The following LRP1B variants were observed in gnomAD, a reference collection of about 807,000 sequenced individuals.
LRP1B encodes LDL receptor related protein 1B.
LRP1B carries 217 observed loss-of-function variants against 556.6 expected under a neutral mutation model. The observed-to-expected ratio is 0.39, with a 90% CI of 0.35 to 0.44. The LOEUF (loss-of-function observed/expected upper bound fraction) is 0.44, where lower values mean the gene tolerates loss of function less well. Ranked by LOEUF, LRP1B falls within the 20% of genes least tolerant of loss-of-function variation. The pLI, the probability that LRP1B is intolerant of heterozygous loss-of-function variation, is 1.00. For missense variants in LRP1B, 5,053 were observed against 5,620.8 expected, an observed-to-expected ratio of 0.90 and a Z score of 3.23; for synonymous variants, 2,047 against 1,865.8, an observed-to-expected ratio of 1.10 and a Z score of -2.50.
intron 3 of LRP1B, among the ~76,000 whole-genome samples, chr2:141,462,744 A>G (rs935565460): frequency 6.6e-5 from 10 of 152,156 alleles, no homozygotes; most frequent in Admixed American, 3.9e-4. Context: ...ACAGACAAAG[A>G]AAGTTTAAGT....
intron 45 of LRP1B, among the ~76,000 whole-genome samples, chr2:140,537,282 C>T (rs1362881308): frequency 2.0e-5 from 3 of 149,582 alleles, no homozygotes; most frequent in Non-Finnish European, 4.4e-5. Context: ...TCTGTACATA[C>T]TGAAAGTGTT....
chr2:140,316,305 C>G (rs79485069), intron 82 of LRP1B, among the ~76,000 whole-genome samples: 3,263 of 152,168 alleles, frequency 0.021, 42 homozygotes, highest in Admixed American at 0.034. Context: ...TTTCAAGATG[C>G]ACTGGCACAT....
intron 35 of LRP1B, among the ~76,000 whole-genome samples, chr2:140,726,397 A>G (rs938394136): frequency 6.6e-6 from 1 of 152,180 alleles, no homozygotes; most frequent in African/African-American, 2.4e-5. Context: ...TCTCTTAGAA[A>G]TCACTGCTGT....
At chr2:140,655,708 C>A in intron 41 of LRP1B, among the ~76,000 whole-genome samples, 1 of 152,108 alleles carries the variant, frequency 6.6e-6, no homozygotes, top group Non-Finnish European at 1.5e-5. Flanking sequence ...TTTGGGGGGC[C>A]GAGGCGGGTG....
chr2:140,425,033 T>C (rs558124136), intron 66 of LRP1B, among the ~76,000 whole-genome samples: 113 of 152,116 alleles, frequency 7.4e-4, no homozygotes, highest in African/African-American at 2.6e-3. Context: ...TTATAATCCC[T>C]GGCCTGGTCT....
At chr2:141,336,793 CAG>C (rs1428808230) in intron 3 of LRP1B, among the ~76,000 whole-genome samples, 2 of 151,950 alleles carry the variant, frequency 1.3e-5, no homozygotes, top group Admixed American at 1.3e-4. Context: ...GTCATATAAA[CAG>C]AAAGTATGCA....
intron 20 of LRP1B, among the ~76,000 whole-genome samples, chr2:140,947,735 T>G (rs907406971): frequency 2.0e-5 from 3 of 152,208 alleles, no homozygotes; most frequent in Admixed American, 6.5e-5. Context: ...CTTTTCACAA[T>G]TCCTCCACCT....
chr2:140,841,707 A>T (rs1692110527), intron 29 of LRP1B, among the ~76,000 whole-genome samples: 1 of 152,174 alleles, frequency 6.6e-6, no homozygotes, highest in Non-Finnish European at 1.5e-5. Context: ...CAGCCAATAT[A>T]AATATTTTGG....
rs370501499 is a variant in LRP1B at position 140,311,019 on chromosome 2, C to CA, written c.12805+3915dup. 5.0e-4 allele frequency among the ~76,000 whole-genome samples: 76 copies of CA among 151,696 alleles called. 2 individuals are homozygous for CA. In the South Asian group the frequency reaches 0.01, roughly 21 times the overall value. On this transcript the variant is annotated intron_variant, in intron 83 of 90. Coordinates refer to ENST00000389484, the MANE Select transcript of LRP1B (RefSeq NM_018557.3). ...GTTAGAATGGCTACTATTAAAAAGC[C>CA]AAAAATAACAGATGGCAAGGATGTA...
At chr2:141,126,878 A>T (rs1701227928) in intron 7 of LRP1B, among the ~76,000 whole-genome samples, 1 of 152,092 alleles carries the variant, frequency 6.6e-6, no homozygotes. Flanking sequence ...TTTCTTTTAA[A>T]TTATACTTTA....
intron 35 of LRP1B, among the ~76,000 whole-genome samples, chr2:140,744,867 A>G (rs1414284277): frequency 6.6e-6 from 1 of 152,096 alleles, no homozygotes; most frequent in Non-Finnish European, 1.5e-5. Context: ...AGATTTTGCC[A>G]ATTTTTTTTC....
chr2:141,361,181 A>G lies in LRP1B; in HGVS notation c.344-106540T>C, dbSNP rs554173943. Among the ~76,000 whole-genome samples the G allele has an allele frequency of 4.3e-4, 66 of 152,284 alleles. 1 individual carries two copies. The highest frequency in any genetic ancestry group is 3.4e-3 in the Middle Eastern group (1 of 292). ...AGTATTTATTAGAAATATGGGACCAAAATCAATGACAACTTTAGCTACAGT... is the reference window on the plus strand; with the variant it reads ...AGTATTTATTAGAAATATGGGACCAGAATCAATGACAACTTTAGCTACAGT... On this transcript the variant is annotated intron_variant, in intron 3 of 90. Coordinates refer to ENST00000389484, the MANE Select transcript of LRP1B (RefSeq NM_018557.3).
At chr2:142,096,980 T>A (rs1315263067) in intron 1 of LRP1B, among the ~76,000 whole-genome samples, 1 of 151,540 alleles carries the variant, frequency 6.6e-6, no homozygotes, top group Non-Finnish European at 1.5e-5. Flanking sequence ...TAATCGCTGA[T>A]CCTTATAAGT....
chr2:141,164,400 AAC>A, intron 7 of LRP1B, among the ~76,000 whole-genome samples: 1 of 152,234 alleles, frequency 6.6e-6, no homozygotes, highest in South Asian at 2.1e-4. Context: ...ATGAATAAAA[AAC>A]TAGCAAACAT....
At chr2:141,498,645 C>A (rs1683605515) in intron 2 of LRP1B, among the ~76,000 whole-genome samples, 1 of 151,986 alleles carries the variant, frequency 6.6e-6, no homozygotes, top group Non-Finnish European at 1.5e-5. Flanking sequence ...CCCCACTCCC[C>A]CAGCCCCCAT....
intron 3 of LRP1B, among the ~76,000 whole-genome samples, chr2:141,334,196 A>G (rs1687762296): frequency 6.6e-6 from 1 of 152,180 alleles, no homozygotes; most frequent in Non-Finnish European, 1.5e-5. Context: ...TCTCCTGTCC[A>G]ACTGTAATCC....
At chr2:141,166,086 C>T (rs1680240976) in intron 7 of LRP1B, among the ~76,000 whole-genome samples, 1 of 151,914 alleles carries the variant, frequency 6.6e-6, no homozygotes, top group Non-Finnish European at 1.5e-5. Context: ...TGCTTCCTTA[C>T]CCCACATACG....
intron 2 of LRP1B, among the ~76,000 whole-genome samples, chr2:141,722,152 T>C: frequency 6.6e-6 from 1 of 152,066 alleles, no homozygotes; most frequent in Non-Finnish European, 1.5e-5. Context: ...CCTAGACAGG[T>C]GGACCACCTG....
At chr2:140,642,071 T>A (rs953413745) in intron 41 of LRP1B, among the ~76,000 whole-genome samples, 6 of 152,130 alleles carry the variant, frequency 3.9e-5, no homozygotes, top group African/African-American at 1.4e-4. Context: ...GACCTGGACC[T>A]TCATAGAGGT....
Sources: gnomAD v4.1 joint callset for allele counts (sites outside exome capture counted in the v4.1 genomes callset) on GRCh38, gnomAD v4.1.1 for gene constraint, MANE v1.5 for transcripts, NCBI Gene and HGNC (gene_info 2026-07-23, HGNC 2026-07-21) for gene names.